Variants in RBPJL observed in about 807,000 individuals in gnomAD.
RBPJL encodes recombination signal binding protein for immunoglobulin kappa J region like.
A neutral mutation model predicts 57.6 loss-of-function variants in RBPJL; 50 were observed. That is an observed-to-expected ratio of 0.87 (90% CI 0.69 to 1.10). The LOEUF (loss-of-function observed/expected upper bound fraction) is 1.10, where lower values mean the gene tolerates loss of function less well. RBPJL is among the 50% of genes least tolerant of loss of function. The pLI, the probability that RBPJL is intolerant of heterozygous loss-of-function variation, is 0.00. For synonymous variants in RBPJL, 303 were observed against 294.4 expected, an observed-to-expected ratio of 1.03 and a Z score of -0.30; for missense variants, 684 against 693.7, an observed-to-expected ratio of 0.99 and a Z score of 0.16.
At chr20:45,310,855 G>A (rs2145688655) in intron 3 of RBPJL, among the ~76,000 whole-genome samples, 1 of 152,250 alleles carries the variant, frequency 6.6e-6, no homozygotes, top group East Asian at 1.9e-4. Flanking sequence ...GCTCATCCCT[G>A]TAATCCCAGC....
At position 45,313,559 on chromosome 20, in the gene RBPJL, C is replaced by A; in HGVS notation, c.711C>A (p.Ala237=). 6.2e-7 allele frequency: 1 copy of A among 1,613,968 alleles called. No homozygotes were observed. Among genetic ancestry groups the A allele is most frequent in the Non-Finnish European group, 8.5e-7 (1 of 1,179,952 alleles). Residue 237 remains alanine (A), a synonymous_variant, in exon 7 of 12, where the codon GCC becomes GCA. Coordinates refer to ENST00000343694, the MANE Select transcript of RBPJL (RefSeq NM_014276.4). ...GCTACCTCTCTGTGGAGGATGGGGC[C>A]TTTGTGGCCAGTGCACGACAGTGGG... ...STRYLSVEDG[A]FVASARQWAA...
intron 1 of RBPJL, 124 bp downstream of exon 1, chr20:45,307,068 G>T: frequency 5.5e-6 from 3 of 544,428 alleles, no homozygotes; most frequent in Non-Finnish European, 8.4e-6. Context: ...CCGCCGAACT[G>T]CAAAAGCAGG....
intron 3 of RBPJL, among the ~76,000 whole-genome samples, chr20:45,310,294 G>A (rs1442892831): frequency 3.3e-5 from 5 of 152,260 alleles, no homozygotes; most frequent in East Asian, 1.9e-4. Flanking sequence ...AATATCTGGG[G>A]AAAGCGTGCT....
rs1295039452 is a variant in RBPJL, at chr20:45,309,966, GTGTT to G, written c.257+278_257+281del. Among the ~76,000 whole-genome samples, 6 of 152,160 alleles carry G rather than the reference GTGTT, an allele frequency of 3.9e-5. No homozygotes were observed. The South Asian group carries it at 8.3e-4, about 21-fold the overall frequency. On this transcript the variant is annotated intron_variant, in intron 3 of 11. Coordinates refer to ENST00000343694, the MANE Select transcript of RBPJL (RefSeq NM_014276.4). Reference sequence around the variant, plus strand: ...CATTCATTCAACAACTACTTACTGAGTGTTTGTCATGTATGCACCAGGCTCTGTG... The same window carrying G: ...CATTCATTCAACAACTACTTACTGAGTGTCATGTATGCACCAGGCTCTGTG...
chr20:45,309,634 CA>C lies in RBPJL; in HGVS notation c.200del (p.Gln67ArgfsTer37). 1 of 1,613,634 alleles carries C rather than the reference CA, an allele frequency of 6.2e-7. No homozygotes were observed. Among genetic ancestry groups the C allele is most frequent in the East Asian group, 2.2e-5 (1 of 44,834 alleles). On this transcript the variant is annotated frameshift_variant, in exon 3 of 12. Coordinates refer to ENST00000343694, the MANE Select transcript of RBPJL (RefSeq NM_014276.4). LOFTEE classifies it high-confidence loss of function. ...CAGGTGCCTGCAGCAACAGTGTGAACAGACTGTGCGGATCCTGCATGCCAAG... is the reference window on the plus strand; with the variant it reads ...CAGGTGCCTGCAGCAACAGTGTGAACGACTGTGCGGATCCTGCATGCCAAG... ...VRRCLQQQCE[Q>X]TVRILHAKVA...
chr20:45,312,971 G>A (rs1987263922), intron 6 of RBPJL, among the ~76,000 whole-genome samples: 1 of 151,580 alleles, frequency 6.6e-6, no homozygotes, highest in Non-Finnish European at 1.5e-5. Context: ...TAGCACCACG[G>A]CAGTCCAGCC....
intron 10 of RBPJL, 32 bp from the exon 11 acceptor site, chr20:45,316,445 C>A (rs1252519324): frequency 2.6e-6 from 4 of 1,557,500 alleles, no homozygotes; most frequent in Non-Finnish European, 3.5e-6. Flanking sequence ...CTACTTGGTT[C>A]TCTCACCTCA....
At position 45,312,301 on chromosome 20, in the gene RBPJL, G is replaced by A. The variant is rs979954446; in HGVS notation, c.525G>A (p.Leu175=). Residue 175 remains leucine (L), a synonymous_variant, in exon 6 of 12, where the codon CTG becomes CTA. Transcript: ENST00000343694. ...KHFRLVLRLV[L]RGGRELGTFH... is the part of the protein sequence containing the mutation. ...TTCGGCTGGTGCTGCGGCTGGTGCT[G>A]CGCGGGGGCCGGGAGCTGGGTACCT... is the stretch of plus-strand genomic sequence containing the variant. The A allele has an allele frequency of 6.2e-7, 1 of 1,614,152 alleles. No homozygotes were observed. The highest frequency in any genetic ancestry group is 1.3e-5 in the African/African-American group (1 of 75,072).
intron 1 of RBPJL, among the ~76,000 whole-genome samples, chr20:45,307,167 T>A (rs1986786059): frequency 6.6e-6 from 1 of 152,110 alleles, no homozygotes; most frequent in Non-Finnish European, 1.5e-5. Context: ...TTCCAGCTCC[T>A]ACCCCACCGC....
chr20:45,314,370 C>G (rs371764257), intron 8 of RBPJL, 43 bp from the exon 9 acceptor site: 1 of 1,594,336 alleles, frequency 6.3e-7, no homozygotes, highest in Admixed American at 1.7e-5. Context: ...TCTGGACGCC[C>G]GGGCTCCTTG....
At chr20:45,307,736 A>G (rs570824579) in intron 1 of RBPJL, among the ~76,000 whole-genome samples, 19 of 152,340 alleles carry the variant, frequency 1.2e-4, no homozygotes, top group Non-Finnish European at 2.5e-4. Flanking sequence ...CATTCTACAA[A>G]GAAAGGAACT....
intron 8 of RBPJL, 47 bp downstream of exon 8, chr20:45,314,191 C>T: frequency 6.6e-7 from 1 of 1,517,196 alleles, no homozygotes; most frequent in Non-Finnish European, 9.1e-7. Context: ...CAGATCCATG[C>T]AGAGAATGTG....
intron 3 of RBPJL, among the ~76,000 whole-genome samples, chr20:45,310,158 C>T (rs1055006315): frequency 1.3e-5 from 2 of 152,102 alleles, no homozygotes; most frequent in Non-Finnish European, 2.9e-5. Context: ...GAAAACTGAA[C>T]GAGGCCATTT....
chr20:45,316,424 G>A, intron 10 of RBPJL, 53 bp from the exon 11 acceptor site: 2 of 1,573,196 alleles, frequency 1.3e-6, no homozygotes, highest in Admixed American at 1.9e-5. Flanking sequence ...GGGGGGCAGC[G>A]GGTTCCCGCC....
chr20:45,309,812 T>C (rs527414765), intron 3 of RBPJL, 120 bp downstream of exon 3: 48 of 1,323,362 alleles, frequency 3.6e-5, no homozygotes, highest in Non-Finnish European at 4.2e-5. Flanking sequence ...ATCTCAGCTA[T>C]TGGTCGACCA....
chr20:45,310,544 T>C (rs1298295291), intron 3 of RBPJL, among the ~76,000 whole-genome samples: 2 of 150,252 alleles, frequency 1.3e-5, no homozygotes, highest in African/African-American at 4.9e-5. Flanking sequence ...GAGGCGGAGG[T>C]TGCAGTGAGC....
chr20:45,317,512 A>T lies in RBPJL; in HGVS notation c.*553A>T, dbSNP rs552240636. On this transcript the variant is annotated 3_prime_UTR_variant, in exon 12 of 12. Transcript: ENST00000343694. ...CTGGAATATTAGATCCACCTGGAGC[A>T]CCGGGTCTCTCTAAGTCTCACCTGG... 1 of 153,812 alleles carries T rather than the reference A, an allele frequency of 6.5e-6. No homozygotes were observed. The highest frequency in any genetic ancestry group is 2.4e-5 in the African/African-American group (1 of 41,564). The allele number at this position is 153,812 out of a possible 1,614,324, so 9.5% of individuals were successfully genotyped here.
chr20:45,316,560 G>T lies in RBPJL; in HGVS notation c.1260G>T (p.Val420=). 6.5e-7 allele frequency: 1 copy of T among 1,535,432 alleles called. No homozygotes were observed. Among genetic ancestry groups the T allele is most frequent in the African/African-American group, 1.4e-5 (1 of 72,166 alleles). Reference sequence around the variant, plus strand: ...GGCTCAAGGTGTGGTTTGGGGACGTGGAGGCAGAAACCATGTACAGGTACG... The same window carrying T: ...GGCTCAAGGTGTGGTTTGGGGACGTTGAGGCAGAAACCATGTACAGGTACG... ...HAGLKVWFGD[V]EAETMYRSPR... is the part of the protein sequence containing the mutation. The change falls in exon 11 of 12, where the codon GTG becomes GTT. Residue 420 remains valine, a synonymous_variant. Coordinates refer to ENST00000343694, the MANE Select transcript of RBPJL (RefSeq NM_014276.4).
intron 1 of RBPJL, among the ~76,000 whole-genome samples, chr20:45,307,711 C>A (rs1986854713): frequency 1.3e-5 from 2 of 152,208 alleles, no homozygotes; most frequent in African/African-American, 4.8e-5. Context: ...AAGTTCATCA[C>A]CTTTCCAAAC....
Sources: allele counts gnomAD v4.1 joint callset (sites outside exome capture counted in the v4.1 genomes callset), GRCh38; gene constraint gnomAD v4.1.1; transcripts MANE v1.5; gene names NCBI Gene and HGNC (gene_info 2026-07-23, HGNC 2026-07-21).